Variants in SORCS1 observed in about 807,000 individuals in gnomAD.
SORCS1 encodes sortilin related VPS10 domain containing receptor 1.
In SORCS1, 60 loss-of-function variants were observed where a neutral mutation model predicts 146.1. That is an observed-to-expected ratio of 0.41 (90% CI 0.33 to 0.51). The LOEUF is 0.51. SORCS1 is among the 20% of genes least tolerant of loss of function. SORCS1 has a pLI of 0.21. For synonymous variants in SORCS1, 637 were observed against 584.0 expected (o/e 1.09, Z -1.31); for missense variants, 1,352 against 1,487.6 (o/e 0.91, Z 1.50).
At chr10:107,145,103 A>G (rs865906584) in intron 1 of SORCS1, among the ~76,000 whole-genome samples, 2 of 152,298 alleles carry the variant, frequency 1.3e-5, no homozygotes, top group Middle Eastern at 3.4e-3. Context: ...TTCTCTGCTT[A>G]TGTCCATCAG....
chr10:106,858,189 A>T (rs1949865927), intron 2 of SORCS1, among the ~76,000 whole-genome samples: 1 of 152,192 alleles, frequency 6.6e-6, no homozygotes. Context: ...TTATTCTTTA[A>T]ATATGTTACT....
chr10:107,140,143 A>G (rs1967690053), intron 1 of SORCS1, among the ~76,000 whole-genome samples: 1 of 152,208 alleles, frequency 6.6e-6, no homozygotes, highest in South Asian at 2.1e-4. Flanking sequence ...TCTGTTATCT[A>G]CCATTCAAAA....
In SORCS1 at chr10:106,809,407, T is replaced by A. The variant is rs11812372; in HGVS notation, c.726+20167A>T. 6.4e-3 allele frequency among the ~76,000 whole-genome samples: 978 copies of A among 152,150 alleles called. 10 individuals carry two copies. Among genetic ancestry groups the A allele is most frequent in the African/African-American group, 0.022 (914 of 41,552 alleles). On this transcript the variant is annotated intron_variant, in intron 3 of 25. Transcript: ENST00000263054. Reference sequence around the variant, plus strand: ...TTTGAGAAGATGGCATGATCCAATCTGTACTGGGCTCCCAGGAAGGCTCTC... The same window carrying A: ...TTTGAGAAGATGGCATGATCCAATCAGTACTGGGCTCCCAGGAAGGCTCTC...
chr10:106,590,741 G>A (rs1845551952), intron 24 of SORCS1, among the ~76,000 whole-genome samples: 1 of 152,148 alleles, frequency 6.6e-6, no homozygotes. Context: ...TGCAACCTCT[G>A]CCTTCTGGGT....
At chr10:106,731,314 A>C (rs1423533187) in intron 5 of SORCS1, among the ~76,000 whole-genome samples, 1 of 151,014 alleles carries the variant, frequency 6.6e-6, no homozygotes, top group Non-Finnish European at 1.5e-5. Context: ...AAAAAAAAAA[A>C]AAAAAAAGTA....
chr10:106,911,315 T>G (rs1024219410), intron 2 of SORCS1, among the ~76,000 whole-genome samples: 7 of 152,118 alleles, frequency 4.6e-5, no homozygotes, highest in Non-Finnish European at 1.0e-4. Flanking sequence ...TACAGCAGAG[T>G]GTACCACCAT....
chr10:106,933,645 C>G (rs974987389), intron 2 of SORCS1, among the ~76,000 whole-genome samples: 5 of 152,048 alleles, frequency 3.3e-5, no homozygotes, highest in African/African-American at 1.2e-4. Flanking sequence ...GATGCCCCCC[C>G]ACCCCCAGCT....
chr10:107,176,960 T>G, the SORCS1 span, among the ~76,000 whole-genome samples: 1 of 152,262 alleles, frequency 6.6e-6, no homozygotes, highest in African/African-American at 2.4e-5. Flanking sequence ...GTATCAAAAT[T>G]GTCAATCATA....
At chr10:106,678,909 A>T (rs375340023) in intron 12 of SORCS1, among the ~76,000 whole-genome samples, 30 of 152,282 alleles carry the variant, frequency 2.0e-4, no homozygotes, top group South Asian at 4.1e-4. Context: ...TATGTAATCT[A>T]CCCTTAAGGC....
At chr10:106,805,674 T>TA (rs1947125804) in intron 3 of SORCS1, among the ~76,000 whole-genome samples, 1 of 152,176 alleles carries the variant, frequency 6.6e-6, no homozygotes, top group Non-Finnish European at 1.5e-5. Context: ...ACAGAAATGA[T>TA]TTATTTGCCT....
chr10:106,633,467 A>G (rs1208415602), intron 18 of SORCS1, among the ~76,000 whole-genome samples: 1 of 152,212 alleles, frequency 6.6e-6, no homozygotes, highest in Admixed American at 6.5e-5. Context: ...CTCCCTGTCC[A>G]GCCTCTTGTA....
chr10:106,629,435 C>T (rs772454509), intron 18 of SORCS1, 47 bp from the exon 19 acceptor site: 2 of 1,595,700 alleles, frequency 1.3e-6, no homozygotes, highest in Non-Finnish European at 8.6e-7. Flanking sequence ...TATTCGGCTG[C>T]TCCTGCCTAG....
chr10:106,947,507 C>A (rs894052162), intron 2 of SORCS1, among the ~76,000 whole-genome samples: 3 of 152,266 alleles, frequency 2.0e-5, no homozygotes, highest in African/African-American at 7.2e-5. Context: ...GACCATTAAG[C>A]ATGCTACTAA....
intron 1 of SORCS1, among the ~76,000 whole-genome samples, chr10:106,959,703 G>C (rs1209108758): frequency 6.6e-6 from 1 of 152,166 alleles, no homozygotes; most frequent in Non-Finnish European, 1.5e-5. Context: ...TTTGAGATGG[G>C]AGTCTCGCTC....
At chr10:107,088,179 T>C (rs529694351) in intron 1 of SORCS1, among the ~76,000 whole-genome samples, 1 of 147,796 alleles carries the variant, frequency 6.8e-6, no homozygotes, top group East Asian at 1.9e-4. Context: ...TGAGCCACCG[T>C]GCCCGGCCTG....
At chr10:106,890,213 C>T (rs940678806) in intron 2 of SORCS1, among the ~76,000 whole-genome samples, 4 of 152,154 alleles carry the variant, frequency 2.6e-5, no homozygotes, top group African/African-American at 9.7e-5. Context: ...TATTTCCCTC[C>T]CATTTCCCTT....
chr10:106,621,928 G>A (rs996974862), intron 19 of SORCS1, among the ~76,000 whole-genome samples: 4 of 152,062 alleles, frequency 2.6e-5, no homozygotes, highest in African/African-American at 9.7e-5. Context: ...CCAAATGGCT[G>A]CAACAGTAAT....
chr10:106,882,007 G>A (rs2137736103), intron 2 of SORCS1, among the ~76,000 whole-genome samples: 1 of 152,234 alleles, frequency 6.6e-6, no homozygotes, highest in African/African-American at 2.4e-5. Context: ...GCTCCACGGA[G>A]GCAATAAATA....
intron 1 of SORCS1, among the ~76,000 whole-genome samples, chr10:107,151,681 G>A (rs186923763): frequency 1.1e-3 from 160 of 152,282 alleles, no homozygotes; most frequent in Non-Finnish European, 1.6e-3. Context: ...AGATTTGGGT[G>A]GAGACACAGC....
Sources: gnomAD v4.1 joint callset for allele counts (sites outside exome capture counted in the v4.1 genomes callset) on GRCh38, gnomAD v4.1.1 for gene constraint, MANE v1.5 for transcripts, NCBI Gene and HGNC (gene_info 2026-07-23, HGNC 2026-07-21) for gene names.